The following GRID2 variants were observed in gnomAD, a reference collection of about 807,000 sequenced individuals.
The protein encoded by GRID2 is glutamate ionotropic receptor delta type subunit 2.
A neutral mutation model predicts 114.8 loss-of-function variants in GRID2; 33 were observed. The ratio of observed to expected loss-of-function variants is 0.29; its 90% CI spans 0.22 to 0.38. The LOEUF (loss-of-function observed/expected upper bound fraction) is 0.38. GRID2 is among the 10% of genes least tolerant of loss of function. GRID2 has a pLI of 1.00. For synonymous variants in GRID2, 505 were observed against 449.9 expected, an observed-to-expected ratio of 1.12 and a Z score of -1.55; for missense variants, 1,184 against 1,257.7, an observed-to-expected ratio of 0.94 and a Z score of 0.89.
chr4:92,978,823 G>A (rs921856074), intron 2 of GRID2, among the ~76,000 whole-genome samples: 2 of 151,990 alleles, frequency 1.3e-5, no homozygotes, highest in Non-Finnish European at 2.9e-5. Flanking sequence ...CCTGGGGCCC[G>A]AGACCAGTTG....
chr4:93,529,667 A>C (rs1731256196), intron 13 of GRID2, among the ~76,000 whole-genome samples: 1 of 152,126 alleles, frequency 6.6e-6, no homozygotes, highest in African/African-American at 2.4e-5. Flanking sequence ...TGATACTGCC[A>C]AGAGTGTGCG....
At chr4:92,441,452 A>C (rs1050606308) in intron 1 of GRID2, among the ~76,000 whole-genome samples, 1 of 152,096 alleles carries the variant, frequency 6.6e-6, no homozygotes, top group Non-Finnish European at 1.5e-5. Context: ...CATGTTTGAG[A>C]TATAGAACAG....
intron 14 of GRID2, among the ~76,000 whole-genome samples, chr4:93,723,231 A>T (rs926183153): frequency 1.3e-5 from 2 of 152,142 alleles, no homozygotes; most frequent in Admixed American, 1.3e-4. Flanking sequence ...CATGTGAGTA[A>T]CTCTTGAGCA....
At chr4:93,102,366 T>C (rs1358280951) in intron 3 of GRID2, among the ~76,000 whole-genome samples, 1 of 152,192 alleles carries the variant, frequency 6.6e-6, no homozygotes, top group Non-Finnish European at 1.5e-5. Flanking sequence ...ATTGACAAAA[T>C]ATCTTAGCAT....
intron 11 of GRID2, among the ~76,000 whole-genome samples, chr4:93,469,042 T>C (rs1452785763): frequency 2.0e-5 from 3 of 152,098 alleles, no homozygotes; most frequent in Admixed American, 1.3e-4. Flanking sequence ...CAGACACATA[T>C]GGTTATCCAT....
At chr4:93,055,385 A>T (rs1349577767) in intron 2 of GRID2, among the ~76,000 whole-genome samples, 1 of 151,896 alleles carries the variant, frequency 6.6e-6, no homozygotes. Context: ...GTTAAAAACT[A>T]ACTTTAAAAA....
chr4:93,031,724 G>T (rs555034151), intron 2 of GRID2, among the ~76,000 whole-genome samples: 2 of 151,870 alleles, frequency 1.3e-5, no homozygotes, highest in East Asian at 3.9e-4. Flanking sequence ...CAGTCATGTG[G>T]AACTGTGGGT....
At position 92,387,608 on chromosome 4, in the gene GRID2, T is replaced by G. The variant is rs1338562259; in HGVS notation, c.88+82864T>G. On this transcript the variant is annotated intron_variant, in intron 1 of 15. Coordinates refer to ENST00000282020, the MANE Select transcript of GRID2 (RefSeq NM_001510.4). The stretch of plus-strand genomic sequence containing the variant: ...CTGTACCCAGGAGCAGGAACATGAG[T>G]AAGAATGTACTTGATGGAGACAAGG... Among the ~76,000 whole-genome samples the G allele has an allele frequency of 3.3e-5, 5 of 151,888 alleles. No homozygotes were observed. The East Asian group carries it at 9.7e-4, about 29-fold the overall frequency.
chr4:93,526,333 G>T (rs1482237335), intron 13 of GRID2, among the ~76,000 whole-genome samples: 1 of 152,138 alleles, frequency 6.6e-6, no homozygotes, highest in Admixed American at 6.5e-5. Flanking sequence ...CCTCAGCCAT[G>T]CAGAACTGTG....
At chr4:93,791,696 C>G (rs1029716444) in intron 1 of GRID2, among the ~76,000 whole-genome samples, 4 of 152,176 alleles carry the variant, frequency 2.6e-5, no homozygotes, top group Non-Finnish European at 5.9e-5. Context: ...GAGTCCCCTT[C>G]TTGTTTCTCC....
At chr4:92,312,015 A>G (rs1428291078) in intron 1 of GRID2, among the ~76,000 whole-genome samples, 1 of 151,876 alleles carries the variant, frequency 6.6e-6, no homozygotes, top group African/African-American at 2.4e-5. Flanking sequence ...ATTGGAACAG[A>G]GACTTGATCC....
rs1729155413 is a variant in GRID2 at position 92,600,090 on chromosome 4, T to TATCTA, written c.244+9804_244+9805insATCTA. 1.4e-4 allele frequency among the ~76,000 whole-genome samples: 12 copies of TATCTA among 84,404 alleles called. No homozygotes were observed. The Admixed American group carries it at 1.5e-3, about 10-fold the overall frequency. 55.4% of individuals were successfully genotyped at this position (84,404 alleles called of 152,430 possible). ...TATATATATATATATATATATATATTTCTCAGAATGTATTTTAGGGGAGGG... is the reference window on the plus strand; with the variant it reads ...TATATATATATATATATATATATATTATCTATCTCAGAATGTATTTTAGGGGAGGG... On this transcript the variant is annotated intron_variant, in intron 2 of 15. Coordinates refer to ENST00000282020, the MANE Select transcript of GRID2 (RefSeq NM_001510.4).
intron 14 of GRID2, among the ~76,000 whole-genome samples, chr4:93,670,845 A>G (rs542624881): frequency 6.6e-6 from 1 of 152,360 alleles, no homozygotes; most frequent in African/African-American, 2.4e-5. Context: ...CCATGCCACA[A>G]GAGCAAACAC....
intron 9 of GRID2, among the ~76,000 whole-genome samples, chr4:93,413,918 A>T (rs777939621): frequency 6.6e-6 from 1 of 152,120 alleles, no homozygotes; most frequent in Non-Finnish European, 1.5e-5. Flanking sequence ...TTGAACATTC[A>T]CCTTGAGGAC....
At chr4:93,175,424 G>A (rs974551224) in intron 4 of GRID2, among the ~76,000 whole-genome samples, 6 of 152,038 alleles carry the variant, frequency 3.9e-5, no homozygotes, top group African/African-American at 1.4e-4. Context: ...ACCTGCCTCA[G>A]CCTTCCAAAG....
At chr4:92,311,649 ATAAG>A in intron 1 of GRID2, among the ~76,000 whole-genome samples, 1 of 152,198 alleles carries the variant, frequency 6.6e-6, no homozygotes, top group Admixed American at 6.5e-5. Flanking sequence ...GATTTTTTTC[ATAAG>A]TAAGCTTAAA....
chr4:93,538,998 T>C (rs1035934860), intron 13 of GRID2, among the ~76,000 whole-genome samples: 4 of 151,882 alleles, frequency 2.6e-5, no homozygotes, highest in African/African-American at 7.2e-5. Flanking sequence ...AAGATATTAA[T>C]ATTAGGGGAA....
At position 93,352,308 on chromosome 4, in the gene GRID2, A is replaced by G. The variant is rs546383741; in HGVS notation, c.1246-43299A>G. Among the ~76,000 whole-genome samples, 398 of 152,094 alleles carry G rather than the reference A, an allele frequency of 2.6e-3. 2 individuals carry two copies. Among genetic ancestry groups the G allele is most frequent in the South Asian group, 0.01 (50 of 4,820 alleles). On this transcript the variant is annotated intron_variant, in intron 8 of 15. Coordinates refer to ENST00000282020, the MANE Select transcript of GRID2 (RefSeq NM_001510.4). Reference sequence around the variant, plus strand: ...AAAGTTTGAAGAACTCTAAAATAGTATTATCTATTTTAAAAAACCTATTAA... The same window carrying G: ...AAAGTTTGAAGAACTCTAAAATAGTGTTATCTATTTTAAAAAACCTATTAA...
rs185190620 is a variant in GRID2 at position 93,663,194 on chromosome 4, C to T, written c.2360+36759C>T. The stretch of plus-strand genomic sequence containing the variant: ...GGCCTTGCCAATTGAGGAATGCAAA[C>T]AAGGCCATATCATCATCAATGAGAA... On this transcript the variant is annotated intron_variant, in intron 14 of 15. Coordinates refer to ENST00000282020, the MANE Select transcript of GRID2 (RefSeq NM_001510.4). Among the ~76,000 whole-genome samples, 26 of 152,324 alleles carry T rather than the reference C, an allele frequency of 1.7e-4. No individual in the cohort carries two copies. The East Asian group carries it at 4.8e-3, about 28-fold the overall frequency.
Sources: allele counts gnomAD v4.1 joint callset (sites outside exome capture counted in the v4.1 genomes callset), GRCh38; gene constraint gnomAD v4.1.1; transcripts MANE v1.5; gene names NCBI Gene and HGNC (gene_info 2026-07-23, HGNC 2026-07-21).